Variants in SORCS3 observed in about 807,000 individuals in gnomAD.
SORCS3 encodes the protein sortilin related VPS10 domain containing receptor 3, also known as VPS10 domain-containing receptor SorCS3.
Under a neutral mutation model 146.3 loss-of-function variants are expected in SORCS3, and 57 were observed. That is an observed-to-expected ratio of 0.39 (90% CI 0.31 to 0.49). The LOEUF is 0.49. Ranked by LOEUF, SORCS3 falls within the 20% of genes least tolerant of loss-of-function variation. SORCS3 has a pLI of 0.92. For synonymous variants in SORCS3, 653 were observed against 618.5 expected, an observed-to-expected ratio of 1.06 and a Z score of -0.83; for missense variants, 1,341 against 1,575.5, an observed-to-expected ratio of 0.85 and a Z score of 2.52.
chr10:104,839,061 G>A (rs2018106370), intron 1 of SORCS3, among the ~76,000 whole-genome samples: 1 of 152,160 alleles, frequency 6.6e-6, no homozygotes, highest in Non-Finnish European at 1.5e-5. Context: ...ATCTCCTGCT[G>A]AAGTCTGTGA....
intron 14 of SORCS3, among the ~76,000 whole-genome samples, chr10:105,187,496 C>A (rs777521528): frequency 6.6e-5 from 10 of 152,232 alleles, no homozygotes; most frequent in South Asian, 2.1e-4. Context: ...GCCTGAATTT[C>A]TGGAGACCAA....
At chr10:104,746,848 G>A (rs904247348) in intron 1 of SORCS3, among the ~76,000 whole-genome samples, 4 of 152,244 alleles carry the variant, frequency 2.6e-5, no homozygotes, top group African/African-American at 7.2e-5. Flanking sequence ...GACATATGCT[G>A]CATTAGCCAG....
chr10:104,641,680 G>A lies in SORCS3; in HGVS notation c.353G>A (p.Gly118Asp), dbSNP rs1215137226. The A allele has an allele frequency of 6.5e-7, 1 of 1,528,634 alleles. No individual in the cohort carries two copies. The highest frequency in any genetic ancestry group is 2.5e-5 in the East Asian group (1 of 40,488). 94.7% of individuals were successfully genotyped at this position (1,528,634 alleles called of 1,614,324 possible). ...TSPAGERRGR[G>D]IPAPAKLGGA... ...CCGGCAGGCGAGCGGCGGGGCCGGG[G>A]CATCCCAGCTCCTGCCAAGCTTGGC... The change falls in exon 1 of 27, where the codon GGC becomes GAC. Residue 118 changes from glycine to aspartate, a missense_variant. Physicochemically the swap from Gly to Asp is moderately conservative, Grantham distance 94 (BLOSUM62 -1). Transcript: ENST00000369701. This position sits in a 1 kb window ranked among gnomAD's most constrained non-coding sequence, Gnocchi z 6.4.
At chr10:105,106,418 T>G (rs2055822201) in intron 7 of SORCS3, among the ~76,000 whole-genome samples, 1 of 152,304 alleles carries the variant, frequency 6.6e-6, no homozygotes, top group East Asian at 1.9e-4. Flanking sequence ...TGACTCTCCA[T>G]CCTCTGAACC....
intron 3 of SORCS3, among the ~76,000 whole-genome samples, chr10:104,972,887 G>A (rs2054869479): frequency 1.3e-5 from 2 of 152,288 alleles, no homozygotes; most frequent in Non-Finnish European, 2.9e-5. Context: ...CTAATTTCTT[G>A]AGAGTTTTTA....
At chr10:104,869,823 CT>C (rs1007547277) in intron 2 of SORCS3, among the ~76,000 whole-genome samples, 1 of 152,176 alleles carries the variant, frequency 6.6e-6, no homozygotes, top group African/African-American at 2.4e-5. Context: ...TTTCAAACAT[CT>C]TTTATAGTAG....
At chr10:105,041,644 C>T (rs1203917878) in intron 4 of SORCS3, among the ~76,000 whole-genome samples, 2 of 151,980 alleles carry the variant, frequency 1.3e-5, no homozygotes, top group African/African-American at 4.8e-5. Flanking sequence ...CTGAGCCCCA[C>T]AAAACTTTTT....
chr10:104,727,023 G>A lies in SORCS3; in HGVS notation c.627+85069G>A, dbSNP rs554901451. Among the ~76,000 whole-genome samples, 6 of 152,268 alleles carry A rather than the reference G, an allele frequency of 3.9e-5. No homozygotes were observed. The South Asian group carries it at 1.2e-3, about 32-fold the overall frequency. Reference sequence around the variant, plus strand: ...CTCTGATTGTCTGTCCATCCATATGGTGCAGGCATTGCCTTTTGCCATAAG... The same window carrying A: ...CTCTGATTGTCTGTCCATCCATATGATGCAGGCATTGCCTTTTGCCATAAG... On this transcript the variant is annotated intron_variant, in intron 1 of 26. Transcript: ENST00000369701.
chr10:105,173,623 G>A (rs982642690), intron 13 of SORCS3, among the ~76,000 whole-genome samples: 15 of 152,036 alleles, frequency 9.9e-5, no homozygotes, highest in African/African-American at 3.4e-4. Context: ...TTGACAATCC[G>A]TTTATCACAG....
chr10:104,976,536 T>G (rs946830934), intron 3 of SORCS3, among the ~76,000 whole-genome samples: 8 of 152,098 alleles, frequency 5.3e-5, no homozygotes, highest in African/African-American at 1.4e-4. Context: ...AGAAATACCA[T>G]TTGACCCAGC....
intron 6 of SORCS3, among the ~76,000 whole-genome samples, chr10:105,101,505 A>G (rs1445719024): frequency 6.6e-6 from 1 of 152,142 alleles, no homozygotes; most frequent in Non-Finnish European, 1.5e-5. Context: ...ATTTTCAGTG[A>G]TTTTCAAAAA....
chr10:105,189,845 A>G (rs2056505227), intron 14 of SORCS3, among the ~76,000 whole-genome samples: 1 of 152,226 alleles, frequency 6.6e-6, no homozygotes, highest in South Asian at 2.1e-4. Context: ...TGTATGCCTC[A>G]GGGATTCCCA....
intron 1 of SORCS3, among the ~76,000 whole-genome samples, chr10:104,790,897 A>T (rs2017488850): frequency 6.6e-6 from 1 of 152,216 alleles, no homozygotes; most frequent in Non-Finnish European, 1.5e-5. Flanking sequence ...TGTTTTAAGG[A>T]TGAAGAAATT....
chr10:105,259,398 T>G (rs1335115194), intron 25 of SORCS3, among the ~76,000 whole-genome samples: 1 of 152,172 alleles, frequency 6.6e-6, no homozygotes, highest in Non-Finnish European at 1.5e-5. Context: ...AGACATTCAT[T>G]CATCCTACAA....
At chr10:104,912,973 A>G (rs2018984778) in intron 2 of SORCS3, among the ~76,000 whole-genome samples, 1 of 152,148 alleles carries the variant, frequency 6.6e-6, no homozygotes, top group Non-Finnish European at 1.5e-5. Flanking sequence ...GATAGTTCGG[A>G]CAAGGAGATG....
chr10:105,218,056 A>G (rs1434817272), intron 19 of SORCS3, among the ~76,000 whole-genome samples: 2 of 152,206 alleles, frequency 1.3e-5, no homozygotes, highest in Non-Finnish European at 2.9e-5. Flanking sequence ...CAGTGATGGC[A>G]TCAACTCTAT....
Position 105,242,933 on chromosome 10 carries a change from A to T in SORCS3, c.2869-2609A>T, listed in dbSNP as rs1390631535. Among the ~76,000 whole-genome samples, 3 of 1,616 alleles carry T rather than the reference A, an allele frequency of 1.9e-3. No homozygotes were observed. In the Non-Finnish European group the frequency reaches 0.075, roughly 40 times the overall value. 1.1% of individuals were successfully genotyped at this position (1,616 alleles called of 152,430 possible). ...TATATATAATATATATGATATATAA[A>T]TTATATATAATATATGATATATATT... On this transcript the variant is annotated intron_variant, in intron 20 of 26. Transcript: ENST00000369701.
intron 2 of SORCS3, among the ~76,000 whole-genome samples, chr10:104,912,123 T>C (rs1356514970): frequency 6.6e-6 from 1 of 152,204 alleles, no homozygotes; most frequent in East Asian, 1.9e-4. Context: ...TAGTCCTGAA[T>C]AAAGTTTACT....
rs537922449 is a variant in SORCS3 at position 105,089,920 on chromosome 10, C to T, written c.1093+81C>T. On this transcript the variant is annotated intron_variant, in intron 6 of 26. Coordinates refer to ENST00000369701, the MANE Select transcript of SORCS3 (RefSeq NM_014978.3). ...CCTCCCCCAATTTGCATTTTAATAT[C>T]TTGGGAAGATGAAAAGCTCTGAGCT... 6.4e-5 allele frequency: 72 copies of T among 1,129,056 alleles called. No individual in the cohort carries two copies. The East Asian group carries it at 1.7e-3, about 27-fold the overall frequency. The allele number at this position is 1,129,056 out of a possible 1,614,324, so 69.9% of individuals were successfully genotyped here.
Sources: allele counts gnomAD v4.1 joint callset (sites outside exome capture counted in the v4.1 genomes callset), GRCh38; gene constraint gnomAD v4.1.1; non-coding constraint Gnocchi (gnomAD v3.1); transcripts MANE v1.5; gene names NCBI Gene and HGNC (gene_info 2026-07-23, HGNC 2026-07-21).